Variants in ZMYM3 observed in about 807,000 individuals in gnomAD.
ZMYM3 encodes zinc finger MYM-type containing 3.
A neutral mutation model predicts 94.2 loss-of-function variants in ZMYM3; 6 were observed. That is an observed-to-expected ratio of 0.06 (90% confidence interval 0.03 to 0.13). ZMYM3 has a LOEUF of 0.13. Among genes scored for constraint, ZMYM3 ranks in the 10% least tolerant of loss-of-function variants. The probability of loss-of-function intolerance (pLI) is 1.00; values close to 1 mark genes in which losing one functional copy is unlikely to be tolerated. For synonymous variants in ZMYM3, 420 were observed against 426.5 expected (o/e 0.98, Z 0.19); for missense variants, 664 against 1,132.6 (o/e 0.59, Z 5.94).
Position 71,246,367 on chromosome X carries a change from T to C in ZMYM3, c.2558A>G (p.Lys853Arg), listed in dbSNP as rs752112675. ...GVSCKVEMKS[K>R]GSQTEEWKPQ... ...CCCTGGCTCACCTGTTTGACTTCCT[T>C]TGGACTTCATCTCCACCTTGCAGGA... is the stretch of plus-strand genomic sequence containing the variant. The change falls in exon 15 of 25, where the codon AAA becomes AGA. Residue 853 changes from lysine (K) to arginine (R), a missense_variant. Lys to Arg is a conservative substitution (Grantham distance 26). This residue lies in a region of ZMYM3 where 57 missense variants were observed against 52.0 expected (regional missense o/e 1.10). Coordinates refer to ENST00000314425, the MANE Select transcript of ZMYM3 (RefSeq NM_201599.3). The C allele has an allele frequency of 1.7e-6, 2 of 1,209,605 alleles. No individual in the cohort carries two copies. Among genetic ancestry groups the C allele is most frequent in the Non-Finnish European group, 2.2e-6 (2 of 895,006 alleles).
In ZMYM3 at chrX:71,242,438, G is replaced by A. The variant is rs369293050; in HGVS notation, c.3548-14C>T. 7 of 1,205,562 alleles carry A rather than the reference G, an allele frequency of 5.8e-6. No individual in the cohort carries two copies. The highest frequency in any genetic ancestry group is 7.8e-6 in the Non-Finnish European group (7 of 892,030). On this transcript the variant is annotated splice_polypyrimidine_tract_variant and intron_variant, in intron 22 of 24. Transcript: ENST00000314425. ...AGAACACCGTATCTACAATGGTCAA[G>A]GGGGAGAGGCCAGTCAGGAGGGAGT...
At chrX:71,253,377 A>C in intron 1 of ZMYM3, 103 bp from the exon 2 acceptor site, 59 of 647,423 alleles carry the variant, frequency 9.1e-5, no homozygotes, top group Non-Finnish European at 1.2e-4. Flanking sequence ...TGGATTTCTC[A>C]TGAGCAGCCC....
At chrX:71,248,055 G>T in intron 11 of ZMYM3, 107 bp downstream of exon 11, 1 of 1,119,369 alleles carries the variant, frequency 8.9e-7, no homozygotes, top group South Asian at 2.1e-5. Context: ...AGAACATCCC[G>T]GGCAGAAGGC....
rs763819198 is a variant in ZMYM3 at position 71,247,627 on chromosome X, G to A, written c.2148+107C>T. Reference sequence around the variant, plus strand: ...AGATCGGGCCAGCTTAGAGATGGAAGGCTGGCTGCCCTCCCTGGAGATCTG... The same window carrying A: ...AGATCGGGCCAGCTTAGAGATGGAAAGCTGGCTGCCCTCCCTGGAGATCTG... On this transcript the variant is annotated intron_variant, in intron 12 of 24. Coordinates refer to ENST00000314425, the MANE Select transcript of ZMYM3 (RefSeq NM_201599.3). 2.3e-4 allele frequency: 260 copies of A among 1,134,769 alleles called. 2 individuals carry two copies. The East Asian group carries it at 7.9e-3, about 34-fold the overall frequency. 93.5% of individuals were successfully genotyped at this position (1,134,769 alleles called of 1,213,427 possible).
chrX:71,250,946 G>C (rs928824022), intron 4 of ZMYM3, among the ~76,000 whole-genome samples: 59 of 111,200 alleles, frequency 5.3e-4, no homozygotes, highest in African/African-American at 1.8e-3. Context: ...GAGAAGATTC[G>C]GAGACAGAGA....
chrX:71,244,016 A>G lies in ZMYM3; in HGVS notation c.3281-36T>C, dbSNP rs750132717. ...ATGTTGTGCAGGGACAGGATTAAGAAAAACTCTACATGGAGAATTTCACTT... is the reference window on the plus strand; with the variant it reads ...ATGTTGTGCAGGGACAGGATTAAGAGAAACTCTACATGGAGAATTTCACTT... On this transcript the variant is annotated intron_variant, in intron 20 of 24. Coordinates refer to ENST00000314425, the MANE Select transcript of ZMYM3 (RefSeq NM_201599.3). The G allele has an allele frequency of 7.5e-6, 9 of 1,200,414 alleles. No individual in the cohort carries two copies. The Admixed American group carries it at 2.0e-4, about 26-fold the overall frequency.
At position 71,252,573 on chromosome X, in the gene ZMYM3, T is replaced by G. The variant is rs758679100; in HGVS notation, c.667+16A>C. 1 of 1,133,514 alleles carries G rather than the reference T, an allele frequency of 8.8e-7. No homozygotes were observed. The highest frequency in any genetic ancestry group is 1.8e-5 in the African/African-American group (1 of 54,253). 93.4% of individuals were successfully genotyped at this position (1,133,514 alleles called of 1,213,427 possible). A position where few individuals can be genotyped will look rare whatever the true frequency, so the allele number is the denominator to read the frequency against. Reference sequence around the variant, plus strand: ...CCTCTCCCAGCCCTGATTCTCCAGATAATTAGGCAACCTACCTGGCAAGGA... The same window carrying G: ...CCTCTCCCAGCCCTGATTCTCCAGAGAATTAGGCAACCTACCTGGCAAGGA... On this transcript the variant is annotated intron_variant, in intron 2 of 24. Transcript: ENST00000314425.
Position 71,250,475 on chromosome X carries a change from A to G in ZMYM3, c.1030T>C (p.Ser344Pro), listed in dbSNP as rs754042003. ...FCSSSCLTTF[S>P]KKPSGKKTCT... ...GTCTTTTTGCCCGAGGGCTTCTTGG[A>G]GAAAGTGGTGAGGCAGGATGACGAG... The change falls in exon 5 of 25, where the codon TCC becomes CCC. Residue 344 changes from serine (S) to proline (P), a missense_variant. Transcript: ENST00000314425. The G allele has an allele frequency of 8.3e-7, 1 of 1,210,965 alleles. No individual in the cohort carries two copies. The highest frequency in any genetic ancestry group is 2.2e-5 in the Admixed American group (1 of 45,993).
chrX:71,251,044 G>A, intron 4 of ZMYM3, 134 bp downstream of exon 4: 1 of 664,020 alleles, frequency 1.5e-6, no homozygotes. Context: ...CCAACCCATA[G>A]CAGAGACAGG....
chrX:71,248,264 G>A lies in ZMYM3; in HGVS notation c.1873C>T (p.Arg625Trp). ...CACTGGGACACCACACCCCGAAGCC[G>A]CTTGAAGTCCTCACAGCAATCACGG... ...CCRDCCEDFK[R>W]LRGVVSQCEH... is the part of the protein sequence containing the mutation. Residue 625 changes from arginine (R) to tryptophan (W), a missense_variant, in exon 11 of 25, where the codon CGG becomes TGG. Arg to Trp is a moderately radical substitution (Grantham distance 101, BLOSUM62 -3). Around this residue, in one of 9 missense-constraint regions of ZMYM3, gnomAD observed 159 missense variants for 313.0 expected, o/e 0.51. Transcript: ENST00000314425. The A allele has an allele frequency of 8.3e-7, 1 of 1,208,313 alleles. No individual in the cohort carries two copies. The highest frequency in any genetic ancestry group is 1.1e-6 in the Non-Finnish European group (1 of 893,649).
intron 9 of ZMYM3, 67 bp from the exon 10 acceptor site, chrX:71,248,591 C>A: frequency 2.6e-6 from 3 of 1,163,215 alleles, no homozygotes; most frequent in Non-Finnish European, 2.3e-6. Flanking sequence ...GGGAGTCAGG[C>A]TTGTTCTTTG....
chrX:71,247,998 C>T, intron 11 of ZMYM3, 92 bp from the exon 12 acceptor site: 5 of 1,094,510 alleles, frequency 4.6e-6, no homozygotes, highest in Non-Finnish European at 6.1e-6. Context: ...CCTGAAACCT[C>T]TCTCTAAGCA....
chrX:71,242,922 G>T, intron 22 of ZMYM3, 48 bp downstream of exon 22: 1 of 1,108,701 alleles, frequency 9.0e-7, no homozygotes, highest in Non-Finnish European at 1.2e-6. Context: ...ATGGTGGATT[G>T]GAAGAATGGA....
Position 71,248,693 on chromosome X carries a change from T to C in ZMYM3, c.1730A>G (p.Lys577Arg). 1 of 1,200,996 alleles carries C rather than the reference T, an allele frequency of 8.3e-7. No homozygotes were observed. Among genetic ancestry groups the C allele is most frequent in the Non-Finnish European group, 1.1e-6 (1 of 889,692 alleles). ...YQFCSPSCWTKFQRTSPEGGI... is the reference protein window; with the variant it reads ...YQFCSPSCWTRFQRTSPEGGI... ...GTCCAGGGTCTGGAGTACCTGGAAC[T>C]TGGTCCAGCAGCTGGGGCTGCAGAA... The change falls in exon 9 of 25, where the codon AAG (lysine) becomes AGG (arginine). Residue 577 changes from lysine to arginine, a missense_variant. Coordinates refer to ENST00000314425, the MANE Select transcript of ZMYM3 (RefSeq NM_201599.3).
chrX:71,250,209 G>C lies in ZMYM3; in HGVS notation c.1074-6C>G. The C allele has an allele frequency of 8.6e-7, 1 of 1,161,535 alleles. No homozygotes were observed. The highest frequency in any genetic ancestry group is 1.1e-6 in the Non-Finnish European group (1 of 871,433). On this transcript the variant is annotated splice_polypyrimidine_tract_variant and splice_region_variant and intron_variant, in intron 5 of 24. Transcript: ENST00000314425. ...CCTTGGTGTTCCAGATCTCCCTAGA[G>C]GTGGGAACAGGTTTGAATATTCACT...
intron 18 of ZMYM3, 30 bp from the exon 19 acceptor site, chrX:71,244,923 A>G: frequency 8.9e-7 from 1 of 1,121,726 alleles, no homozygotes; most frequent in Non-Finnish European, 1.2e-6. Flanking sequence ...GAAGAAATCA[A>G]TTTCTTAAGA....
At position 71,247,806 on chromosome X, in the gene ZMYM3, C is replaced by T; in HGVS notation, c.2076G>A (p.Glu692=). 1 of 1,211,916 alleles carries T rather than the reference C, an allele frequency of 8.3e-7. No individual in the cohort carries two copies. Among genetic ancestry groups the T allele is most frequent in the Non-Finnish European group, 1.1e-6 (1 of 895,518 alleles). ...CSQTCQRGVT[E]QLDGSTWDFC... ...AGTCCCAGGTGCTGCCATCCAGTTG[C>T]TCGGTGACTCCGCGCTGGCAGGTCT... The change falls in exon 12 of 25, where the codon GAG becomes GAA. Residue 692 remains glutamate, a synonymous_variant. Transcript: ENST00000314425.
chrX:71,252,554 C>G (rs775596193), intron 2 of ZMYM3, 35 bp downstream of exon 2: 2 of 1,132,680 alleles, frequency 1.8e-6, no homozygotes, highest in Admixed American at 3.1e-5. Context: ...CCACCCTCTC[C>G]CAGCCCTGAT....
At position 71,246,113 on chromosome X, in the gene ZMYM3, G is replaced by C. The variant is rs373011054; in HGVS notation, c.2573-15C>G. 107 of 1,196,182 alleles carry C rather than the reference G, an allele frequency of 8.9e-5. No individual in the cohort carries two copies. The highest frequency in any genetic ancestry group is 3.4e-5 in the Non-Finnish European group (30 of 886,191). On this transcript the variant is annotated splice_polypyrimidine_tract_variant and intron_variant, in intron 15 of 24. Coordinates refer to ENST00000314425, the MANE Select transcript of ZMYM3 (RefSeq NM_201599.3). Reference sequence around the variant, plus strand: ...CTTCCACTCTTCTGTGGATAAGAAAGGGGTCTTCTCAGAGACCCTGCTGGA... The same window carrying C: ...CTTCCACTCTTCTGTGGATAAGAAACGGGTCTTCTCAGAGACCCTGCTGGA...
Sources: allele counts gnomAD v4.1 joint callset (sites outside exome capture counted in the v4.1 genomes callset), GRCh38; gene constraint gnomAD v4.1.1; regional missense constraint gnomAD v4.1.1; transcripts MANE v1.5; gene names NCBI Gene and HGNC (gene_info 2026-07-23, HGNC 2026-07-21).